ROBO2: variants seen among roughly 807,000 people sequenced by gnomAD.
The protein encoded by ROBO2 is roundabout homolog 2.
In ROBO2, 53 loss-of-function variants were observed where a neutral mutation model predicts 160.8. The observed-to-expected ratio is 0.33, with a 90% CI of 0.26 to 0.41. The LOEUF (loss-of-function observed/expected upper bound fraction) is 0.41, where lower values mean the gene tolerates loss of function less well. Among genes scored for constraint, ROBO2 ranks in the 10% least tolerant of loss-of-function variants. The pLI is 1.00. For synonymous variants in ROBO2, 664 were observed against 611.7 expected (o/e 1.09, Z -1.26); for missense variants, 1,577 against 1,722.4 (o/e 0.92, Z 1.49).
At chr3:77,126,779 CTTCTTTT>C (rs1190522147) in intron 2 of ROBO2, among the ~76,000 whole-genome samples, 31 of 119,862 alleles carry the variant, frequency 2.6e-4, no homozygotes, top group African/African-American at 9.0e-4. Flanking sequence ...GATTTTGAAA[CTTCTTTT>C]TTTTTTTTTT....
intron 2 of ROBO2, among the ~76,000 whole-genome samples, chr3:77,152,772 A>G (rs2077654287): frequency 6.6e-6 from 1 of 152,212 alleles, no homozygotes; most frequent in Non-Finnish European, 1.5e-5. Flanking sequence ...AGCTTTATTG[A>G]GATAAAATTC....
intron 2 of ROBO2, among the ~76,000 whole-genome samples, chr3:76,998,480 T>G (rs2061154612): frequency 6.6e-6 from 1 of 152,146 alleles, no homozygotes; most frequent in South Asian, 2.1e-4. Context: ...TTCAAGAAAC[T>G]TCCACATACA....
rs1323519868 is a variant in ROBO2 at position 77,064,557 on chromosome 3, T to C, written c.61+23711T>C. Among the ~76,000 whole-genome samples the C allele has an allele frequency of 2.0e-5, 3 of 152,046 alleles. No homozygotes were observed. The East Asian group carries it at 5.8e-4, about 29-fold the overall frequency. ...TGTATTTTTAGCAGAGACAGGTTTTTGCCATATTGGCCCGGCTGGTCTTGA... is the reference window on the plus strand; with the variant it reads ...TGTATTTTTAGCAGAGACAGGTTTTCGCCATATTGGCCCGGCTGGTCTTGA... On this transcript the variant is annotated intron_variant, in intron 1 of 25. Coordinates refer to ENST00000461745, the Ensembl canonical transcript of ROBO2.
chr3:76,537,927 G>C (rs563282063), intron 2 of ROBO2, among the ~76,000 whole-genome samples: 29 of 152,086 alleles, frequency 1.9e-4, no homozygotes, highest in Non-Finnish European at 3.8e-4. Flanking sequence ...TCCAGGAGAA[G>C]AATGTCCCAG....
At chr3:76,237,918 C>G (rs1046891061) in intron 2 of ROBO2, among the ~76,000 whole-genome samples, 2 of 152,020 alleles carry the variant, frequency 1.3e-5, no homozygotes, top group Non-Finnish European at 2.9e-5. Flanking sequence ...AAAGGCATAC[C>G]GAAGAGAGGC....
At chr3:77,528,453 T>C (rs2091374503) in intron 6 of ROBO2, among the ~76,000 whole-genome samples, 1 of 151,696 alleles carries the variant, frequency 6.6e-6, no homozygotes, top group African/African-American at 2.4e-5. Context: ...GAAAGAGTCA[T>C]GGACTTTGTT....
In ROBO2 at chr3:76,402,518, T is replaced by C. The variant is rs142341770; in HGVS notation, c.109+464916T>C. ...ACACAAATGTATTATCTCATAGTTC[T>C]GCAGGTAACAACTCTGCTATTGGTC... On this transcript the variant is annotated intron_variant, in intron 2 of 26. Coordinates refer to the ROBO2 transcript ENST00000487694. 3.3e-3 allele frequency among the ~76,000 whole-genome samples: 503 copies of C among 151,752 alleles called. 6 individuals carry two copies. Among genetic ancestry groups the C allele is most frequent in the Admixed American group, 0.024 (367 of 15,154 alleles).
At chr3:76,704,999 G>A (rs551556561) in intron 2 of ROBO2, among the ~76,000 whole-genome samples, 6 of 152,288 alleles carry the variant, frequency 3.9e-5, no homozygotes, top group Non-Finnish European at 7.4e-5. Flanking sequence ...AAGTTAGAGA[G>A]TAAATATTTT....
intron 2 of ROBO2, among the ~76,000 whole-genome samples, chr3:76,641,867 A>G (rs2090693749): frequency 6.6e-6 from 1 of 152,108 alleles, no homozygotes; most frequent in South Asian, 2.1e-4. Context: ...CCTCCCGAGC[A>G]GCCAGGACTG....
At chr3:76,276,405 G>A (rs1707923951) in intron 2 of ROBO2, among the ~76,000 whole-genome samples, 1 of 151,908 alleles carries the variant, frequency 6.6e-6, no homozygotes, top group Non-Finnish European at 1.5e-5. Context: ...AGCTCAACTA[G>A]CCACTTCGCT....
At chr3:76,604,212 T>C (rs972100112) in intron 2 of ROBO2, among the ~76,000 whole-genome samples, 13 of 152,206 alleles carry the variant, frequency 8.5e-5, no homozygotes, top group Non-Finnish European at 1.9e-4. Flanking sequence ...GCTGTGTGTC[T>C]ATAGCACAAA....
chr3:77,483,936 A>AAGTATTTTG (rs2085013163), intron 4 of ROBO2, among the ~76,000 whole-genome samples: 1 of 151,680 alleles, frequency 6.6e-6, no homozygotes, highest in South Asian at 2.1e-4. Flanking sequence ...TGAATTCTTC[A>AAGTATTTTG]AGTATTTTGA....
At chr3:76,815,655 G>C (rs2065603821) in intron 2 of ROBO2, among the ~76,000 whole-genome samples, 1 of 133,610 alleles carries the variant, frequency 7.5e-6, no homozygotes, top group Non-Finnish European at 1.6e-5. Context: ...CCTATCTTCT[G>C]GGTAAATTGC....
rs550553870 is a variant in ROBO2 at position 75,917,645 on chromosome 3, G to T, written c.-14+10685G>T. On this transcript the variant is annotated intron_variant, in intron 1 of 26. Coordinates refer to the ROBO2 transcript ENST00000487694. ...CCACAATGGTTGAACTATTTTACAA[G>T]GCCACCAGTGGTGTAAAAGTGTTCC... Among the ~76,000 whole-genome samples the T allele has an allele frequency of 9.1e-4, 138 of 152,184 alleles. 1 individual carries two copies. The highest frequency in any genetic ancestry group is 3.2e-3 in the African/African-American group (134 of 41,542).
chr3:77,412,294 A>T (rs768861035), intron 2 of ROBO2, among the ~76,000 whole-genome samples: 1 of 152,246 alleles, frequency 6.6e-6, no homozygotes, highest in Non-Finnish European at 1.5e-5. Flanking sequence ...AGGGCTTCCA[A>T]GGAAGTTGCA....
chr3:76,405,053 ATG>A (rs778564593), intron 2 of ROBO2, among the ~76,000 whole-genome samples: 10 of 151,638 alleles, frequency 6.6e-5, no homozygotes, highest in Non-Finnish European at 1.2e-4. Context: ...GGACAATGGC[ATG>A]TGTGGAGGGA....
intron 2 of ROBO2, among the ~76,000 whole-genome samples, chr3:77,408,786 T>A (rs2076462691): frequency 6.6e-6 from 1 of 152,168 alleles, no homozygotes; most frequent in South Asian, 2.1e-4. Flanking sequence ...AGTGGCTTGA[T>A]GATAGCTGGC....
intron 2 of ROBO2, among the ~76,000 whole-genome samples, chr3:77,183,317 TG>T (rs1219507080): frequency 2.0e-5 from 3 of 152,038 alleles, no homozygotes; most frequent in African/African-American, 7.2e-5. Flanking sequence ...ATAATACTTA[TG>T]GGCTGAGTTA....
intron 2 of ROBO2, among the ~76,000 whole-genome samples, chr3:76,520,941 T>C (rs907950361): frequency 1.3e-5 from 2 of 152,084 alleles, no homozygotes; most frequent in African/African-American, 4.8e-5. Context: ...ATAGAAAACA[T>C]TGAATTCTCT....
Sources: allele counts gnomAD v4.1 joint callset (sites outside exome capture counted in the v4.1 genomes callset), GRCh38; gene constraint gnomAD v4.1.1; transcripts MANE v1.5; gene names NCBI Gene and HGNC (gene_info 2026-07-23, HGNC 2026-07-21).